SVOPL: variants seen among roughly 807,000 people sequenced by gnomAD.
SVOPL encodes SVOP like, also known as putative transporter SVOPL.
Under a neutral mutation model 61.0 loss-of-function variants are expected in SVOPL, and 60 were observed. The ratio of observed to expected loss-of-function variants is 0.98; its 90% CI spans 0.80 to 1.22. The LOEUF (loss-of-function observed/expected upper bound fraction) is 1.22, where lower values mean the gene tolerates loss of function less well. Ranked by LOEUF, SVOPL falls within the 50% of genes most tolerant of loss-of-function variation. SVOPL has a pLI of 0.00. For missense variants in SVOPL, 662 were observed against 643.9 expected, an observed-to-expected ratio of 1.03 and a Z score of -0.30; for synonymous variants, 279 against 250.0, an observed-to-expected ratio of 1.12 and a Z score of -1.09.
At chr7:138,664,190 C>T in intron 4 of SVOPL, 1 of 828,026 alleles carries the variant, frequency 1.2e-6, no homozygotes, top group Non-Finnish European at 1.5e-6. Context: ...ACCCTGCCCT[C>T]CCCCTCCCCC....
Position 138,630,088 on chromosome 7 carries a change from G to A in SVOPL, c.824C>T (p.Ala275Val), listed in dbSNP as rs771352943. 1 of 1,613,888 alleles carries A rather than the reference G, an allele frequency of 6.2e-7. No individual in the cohort carries two copies. The highest frequency in any genetic ancestry group is 1.7e-5 in the Admixed American group (1 of 60,006). Residue 275 changes from alanine (A) to valine (V), a missense_variant, in exon 10 of 16, where the codon GCT (alanine) becomes GTT (valine). By Grantham distance (64) the Ala-to-Val change is moderately conservative. Coordinates refer to ENST00000674285, the MANE Select transcript of SVOPL (RefSeq NM_001139456.2). ...CTGTAATGTGGTCCGTAAATATTTA[G>A]CATCCAATAGGTCTGCAAATCTTCC... is the stretch of plus-strand genomic sequence containing the variant. ...KRGRFADLLDAKYLRTTLQIW... is the reference protein window; with the variant it reads ...KRGRFADLLDVKYLRTTLQIW...
chr7:138,665,621 G>A (rs968568333), intron 4 of SVOPL, among the ~76,000 whole-genome samples: 1 of 152,154 alleles, frequency 6.6e-6, no homozygotes, highest in African/African-American at 2.4e-5. Flanking sequence ...TGTGTGTCAT[G>A]TACTATAAAA....
chr7:138,652,106 CAG>C (rs1801469379), intron 7 of SVOPL, among the ~76,000 whole-genome samples: 1 of 151,704 alleles, frequency 6.6e-6, no homozygotes, highest in Non-Finnish European at 1.5e-5. Context: ...GGCTGGAGTG[CAG>C]AGACAGGATC....
chr7:138,697,623 AAAAAAAAG>A lies in SVOPL; in HGVS notation c.-35+3547_-35+3554del, dbSNP rs1218813521. 4.2e-3 allele frequency among the ~76,000 whole-genome samples: 603 copies of A among 144,586 alleles called. 1 individual carries two copies. The highest frequency in any genetic ancestry group is 0.015 in the African/African-American group (578 of 37,928). 94.9% of individuals were successfully genotyped at this position (144,586 alleles called of 152,430 possible). On this transcript the variant is annotated intron_variant, in intron 1 of 15. Transcript: ENST00000674285. ...GCAGACCCTGCCTCAAAAAAAAAAA[AAAAAAAAG>A]AAGAAGAAGAAGTGGAAGAGGAAGA...
chr7:138,603,955 C>CTTTTTTTTTTTTTTT (rs560678707), intron 14 of SVOPL, among the ~76,000 whole-genome samples: 1 of 109,252 alleles, frequency 9.2e-6, no homozygotes, highest in Non-Finnish European at 1.9e-5. Flanking sequence ...TTAATTTATT[C>CTTTTTTTTTTTTTTT]TTTTTTTTTT....
intron 3 of SVOPL, 84 bp downstream of exon 3, chr7:138,678,350 C>T (rs1353521574): frequency 1.4e-6 from 2 of 1,411,568 alleles, no homozygotes; most frequent in African/African-American, 2.9e-5. Flanking sequence ...AGGCCATGGT[C>T]ACTCATATTT....
At chr7:138,691,310 C>G (rs6959764) in intron 1 of SVOPL, among the ~76,000 whole-genome samples, 1 of 152,094 alleles carries the variant, frequency 6.6e-6, no homozygotes, top group East Asian at 1.9e-4. Context: ...AACTAAAATG[C>G]TTAACAATGA....
chr7:138,638,328 GC>G (rs1339293684), intron 9 of SVOPL, among the ~76,000 whole-genome samples: 1 of 146,250 alleles, frequency 6.8e-6, no homozygotes, highest in African/African-American at 2.5e-5. Flanking sequence ...GAAAGGAGAT[GC>G]AAAAAACTCA....
At chr7:138,678,004 G>A (rs1257120324) in intron 3 of SVOPL, among the ~76,000 whole-genome samples, 2 of 152,096 alleles carry the variant, frequency 1.3e-5, no homozygotes, top group South Asian at 2.1e-4. Context: ...GACCTCAGGT[G>A]ATCCACCAGC....
At chr7:138,658,008 A>G (rs2117064972) in intron 6 of SVOPL, among the ~76,000 whole-genome samples, 1 of 152,308 alleles carries the variant, frequency 6.6e-6, no homozygotes, top group Non-Finnish European at 1.5e-5. Flanking sequence ...CTAATACATT[A>G]TAATTAGAGT....
intron 13 of SVOPL, among the ~76,000 whole-genome samples, chr7:138,624,119 C>T (rs1313651204): frequency 3.3e-5 from 5 of 152,178 alleles, no homozygotes; most frequent in African/African-American, 1.2e-4. Context: ...TGCACCCAGC[C>T]GATTAATTTT....
intron 9 of SVOPL, among the ~76,000 whole-genome samples, chr7:138,643,715 A>G (rs186607663): frequency 6.1e-4 from 92 of 150,890 alleles, no homozygotes; most frequent in African/African-American, 2.1e-3. Context: ...TCAATTTTAT[A>G]GAGACAAACA....
At position 138,626,124 on chromosome 7, in the gene SVOPL, G is replaced by A. The variant is rs1799882325; in HGVS notation, c.1182-74C>T. The A allele has an allele frequency of 3.6e-6, 5 of 1,400,542 alleles. No individual in the cohort carries two copies. The Admixed American group carries it at 5.5e-5, about 15-fold the overall frequency. 86.8% of individuals were successfully genotyped at this position (1,400,542 alleles called of 1,614,324 possible). A position where few individuals can be genotyped will look rare whatever the true frequency, so the allele number is the denominator to read the frequency against. On this transcript the variant is annotated intron_variant, in intron 12 of 15. Coordinates refer to ENST00000674285, the MANE Select transcript of SVOPL (RefSeq NM_001139456.2). Reference sequence around the variant, plus strand: ...CACCTCCAGTGGCCCAGCTTCGAGTGCACTGTGGATGCTGAGATACAATCA... The same window carrying A: ...CACCTCCAGTGGCCCAGCTTCGAGTACACTGTGGATGCTGAGATACAATCA...
intron 14 of SVOPL, among the ~76,000 whole-genome samples, chr7:138,620,107 T>C (rs1368601026): frequency 6.8e-6 from 1 of 146,872 alleles, no homozygotes; most frequent in African/African-American, 2.5e-5. Flanking sequence ...TTTTCTTTTT[T>C]GTTTTTTTTC....
chr7:138,606,004 T>C (rs909302813), intron 14 of SVOPL, among the ~76,000 whole-genome samples: 2 of 139,072 alleles, frequency 1.4e-5, no homozygotes, highest in African/African-American at 5.0e-5. Flanking sequence ...ATTGTTTTTT[T>C]CTATTTAAAA....
chr7:138,665,315 G>A (rs1802220604), intron 4 of SVOPL, among the ~76,000 whole-genome samples: 1 of 151,102 alleles, frequency 6.6e-6, no homozygotes, highest in Non-Finnish European at 1.5e-5. Flanking sequence ...TGGGGGGCCT[G>A]GGAGACAGTG....
chr7:138,619,234 T>A (rs2116861659), intron 14 of SVOPL, among the ~76,000 whole-genome samples: 1 of 152,048 alleles, frequency 6.6e-6, no homozygotes, highest in Middle Eastern at 3.4e-3. Context: ...ATAGTGAGAC[T>A]CCATCTCTAA....
intron 8 of SVOPL, among the ~76,000 whole-genome samples, chr7:138,648,564 C>G (rs1196250255): frequency 6.8e-6 from 1 of 146,430 alleles, no homozygotes; most frequent in East Asian, 2.0e-4. Flanking sequence ...AAAAATTAGT[C>G]AGGCGCGGTG....
At chr7:138,632,508 G>C (rs537646427) in intron 9 of SVOPL, among the ~76,000 whole-genome samples, 6 of 152,106 alleles carry the variant, frequency 3.9e-5, no homozygotes, top group East Asian at 1.9e-4. Context: ...CAAGCTGAAG[G>C]CTTGAGAAGG....
Sources: gnomAD v4.1 joint callset for allele counts (sites outside exome capture counted in the v4.1 genomes callset) on GRCh38, gnomAD v4.1.1 for gene constraint, MANE v1.5 for transcripts, NCBI Gene and HGNC (gene_info 2026-07-23, HGNC 2026-07-21) for gene names.